The following RRP7A variants were observed in gnomAD, a reference collection of about 807,000 sequenced individuals.
The protein encoded by RRP7A is ribosomal RNA-processing protein 7 homolog A.
A neutral mutation model predicts 38.4 loss-of-function variants in RRP7A; 27 were observed. The ratio of observed to expected loss-of-function variants is 0.70; its 90% CI spans 0.52 to 0.97. The LOEUF (loss-of-function observed/expected upper bound fraction) is 0.97, where lower values mean the gene tolerates loss of function less well. Ranked by LOEUF, RRP7A falls within the 50% of genes least tolerant of loss-of-function variation. The pLI is 0.00. For missense variants in RRP7A, 327 were observed against 375.4 expected (o/e 0.87, Z 1.07); for synonymous variants, 124 against 150.3 (o/e 0.83, Z 1.28).
chr22:42,516,091 C>G lies in RRP7A; in HGVS notation c.262G>C (p.Val88Leu), dbSNP rs11553441. The G allele has an allele frequency of 6.2e-7, 1 of 1,613,282 alleles. No individual in the cohort carries two copies. The highest frequency in any genetic ancestry group is 2.2e-5 in the East Asian group (1 of 44,858). ...AGGTCCGGCTTCTCCTGCAACTCTA[C>G]AGACTGGACGAGGCCACAGGTGGAC... ...LLSTCGLVQS[V>L]ELQEKPDLAE... is the part of the protein sequence containing the mutation. The change falls in exon 3 of 7, where the codon GTA (valine) becomes CTA (leucine). Residue 88 changes from valine to leucine, a missense_variant. Physicochemically the swap from Val to Leu is conservative, Grantham distance 32. Transcript: ENST00000323013.
chr22:42,516,792 C>T (rs8140087), intron 2 of RRP7A, among the ~76,000 whole-genome samples: 37,898 of 151,206 alleles, frequency 0.25, 4,623 homozygotes, highest in African/African-American at 0.36. Context: ...TCCACCTGGG[C>T]GCTGACTACA....
chr22:42,515,975 C>A (rs548347780), intron 3 of RRP7A, 36 bp downstream of exon 3: 3 of 1,561,000 alleles, frequency 1.9e-6, no homozygotes, highest in Admixed American at 3.7e-5. Flanking sequence ...GCCCCACCCC[C>A]CTCACTCTAG....
chr22:42,516,968 T>C (rs1248084784), intron 2 of RRP7A, among the ~76,000 whole-genome samples: 1 of 152,196 alleles, frequency 6.6e-6, no homozygotes, highest in Non-Finnish European at 1.5e-5. Context: ...AGGGTTTCTT[T>C]TTTGAAAACA....
chr22:42,517,135 G>A (rs1331444208), intron 2 of RRP7A, among the ~76,000 whole-genome samples: 5 of 151,874 alleles, frequency 3.3e-5, no homozygotes, highest in African/African-American at 7.3e-5. Context: ...AAAATGAGCC[G>A]GGCATGGTGG....
chr22:42,519,762 C>A lies in RRP7A; in HGVS notation c.25G>T (p.Ala9Ser). 1 of 1,451,264 alleles carries A rather than the reference C, an allele frequency of 6.9e-7. No individual in the cohort carries two copies. The highest frequency in any genetic ancestry group is 9.1e-7 in the Non-Finnish European group (1 of 1,103,488). 89.9% of individuals were successfully genotyped at this position (1,451,264 alleles called of 1,614,324 possible). MVARRRKCAARDPEDRIPS... is the reference protein window; with the variant it reads MVARRRKCSARDPEDRIPS... ...ATACGGTCCTCCGGGTCCCGCGCGG[C>A]GCACTTCCTCCTGCGCGCCACCATC... is the stretch of plus-strand genomic sequence containing the variant. The change falls in exon 1 of 7, where the codon GCC becomes TCC. Residue 9 changes from alanine (A) to serine (S), a missense_variant. Physicochemically the swap from Ala to Ser is moderately conservative, Grantham distance 99. Coordinates refer to ENST00000323013, the MANE Select transcript of RRP7A (RefSeq NM_015703.5).
chr22:42,514,179 C>A lies in RRP7A; in HGVS notation c.684G>T (p.Arg228Ser), dbSNP rs530809147. ...CTTTTCGGCTGCGCTTCCGTCTCTCCCTCTCCAGCACCCGCAAGCTGGCTG... is the reference window on the plus strand; with the variant it reads ...CTTTTCGGCTGCGCTTCCGTCTCTCACTCTCCAGCACCCGCAAGCTGGCTG... ...TEAASLRVLERERRKRSRKEL... is the reference protein window; with the variant it reads ...TEAASLRVLESERRKRSRKEL... The change falls in exon 6 of 7, where the codon AGG becomes AGT. Residue 228 changes from arginine to serine, a missense_variant. This residue lies in a region of RRP7A where 84 missense variants were observed against 82.8 expected (regional missense o/e 1.01). Coordinates refer to ENST00000323013, the MANE Select transcript of RRP7A (RefSeq NM_015703.5). 6.2e-7 allele frequency: 1 copy of A among 1,613,024 alleles called. No homozygotes were observed. Among genetic ancestry groups the A allele is most frequent in the South Asian group, 1.1e-5 (1 of 91,012 alleles).
rs1480494979 is a variant in RRP7A, at chr22:42,509,222, C to T, written c.*3688G>A. On this transcript the variant is annotated 3_prime_UTR_variant, in exon 7 of 7. Transcript: ENST00000323013. The stretch of plus-strand genomic sequence containing the variant: ...CAAGTTCTCTGCGTGTCGACCACAT[C>T]GCTAAGACTCAAGATCTTTTTTGGG... The T allele has an allele frequency of 1.0e-5, 16 of 1,542,796 alleles. No homozygotes were observed. The highest frequency in any genetic ancestry group is 4.8e-5 in the East Asian group (2 of 41,480).
intron 2 of RRP7A, 77 bp from the exon 3 acceptor site, chr22:42,516,213 T>C: frequency 6.3e-7 from 1 of 1,583,288 alleles, no homozygotes. Context: ...TGGGTGGCGC[T>C]GCCAGGGGTC....
At chr22:42,516,753 G>C (rs1318882948) in intron 2 of RRP7A, among the ~76,000 whole-genome samples, 12 of 152,164 alleles carry the variant, frequency 7.9e-5, no homozygotes, top group Non-Finnish European at 5.9e-5. Context: ...GGTGGAGGCA[G>C]CGGGGGTTCT....
In RRP7A at chr22:42,509,151, A is replaced by G. The variant is rs1370633742; in HGVS notation, c.*3759T>C. 1.9e-6 allele frequency: 3 copies of G among 1,612,936 alleles called. No individual in the cohort carries two copies. The highest frequency in any genetic ancestry group is 2.2e-5 in the East Asian group (1 of 44,872). ...TCCCCTTCAGTCACCCCCCAAGGAG[A>G]CATGGGCGCCAGGAATCTCTGGGAG... On this transcript the variant is annotated 3_prime_UTR_variant, in exon 7 of 7. Coordinates refer to ENST00000323013, the MANE Select transcript of RRP7A (RefSeq NM_015703.5).
rs1363941727 is a variant in RRP7A at position 42,512,659 on chromosome 22, G to C, written c.*251C>G. 3 of 593,724 alleles carry C rather than the reference G, an allele frequency of 5.1e-6. No individual in the cohort carries two copies. In the African/African-American group the frequency reaches 5.6e-5, roughly 11 times the overall value. 36.8% of individuals were successfully genotyped at this position (593,724 alleles called of 1,614,324 possible). A position where few individuals can be genotyped will look rare whatever the true frequency, so the allele number is the denominator to read the frequency against. On this transcript the variant is annotated 3_prime_UTR_variant, in exon 7 of 7. Transcript: ENST00000323013. The stretch of plus-strand genomic sequence containing the variant: ...CCAGGGTCCTGGAGAGGAGGGTGTG[G>C]AGGCAAGAAGCAGGAAGGACAAGTC...
At position 42,512,985 on chromosome 22, in the gene RRP7A, C is replaced by T. The variant is rs1932516812; in HGVS notation, c.768G>A (p.Gln256=). The change falls in exon 7 of 7, where the codon CAG becomes CAA. Residue 256 remains glutamine (Q), a synonymous_variant. Coordinates refer to ENST00000323013, the MANE Select transcript of RRP7A (RefSeq NM_015703.5). The part of the protein sequence containing the change: ...HRESKMEHLA[Q]LRKKFEEDKQ... Reference sequence around the variant, plus strand: ...TGTCCTCCTCGAACTTCTTGCGCAGCTGCGCTAGATCTGGGGGTGAGAGGA... The same window carrying T: ...TGTCCTCCTCGAACTTCTTGCGCAGTTGCGCTAGATCTGGGGGTGAGAGGA... The T allele has an allele frequency of 1.2e-6, 2 of 1,612,664 alleles. No individual in the cohort carries two copies. Among genetic ancestry groups the T allele is most frequent in the Non-Finnish European group, 8.5e-7 (1 of 1,179,478 alleles).
chr22:42,513,006 G>A lies in RRP7A; in HGVS notation c.758-11C>T, dbSNP rs1201699954. 6.2e-6 allele frequency: 10 copies of A among 1,609,568 alleles called. No individual in the cohort carries two copies. Among genetic ancestry groups the A allele is most frequent in the Non-Finnish European group, 8.5e-6 (10 of 1,177,520 alleles). ...GCAGCTGCGCTAGATCTGGGGGTGA[G>A]AGGAGGCGCGGGGCAGGGTCAGACA... is the stretch of plus-strand genomic sequence containing the variant. On this transcript the variant is annotated splice_polypyrimidine_tract_variant and intron_variant, in intron 6 of 6. Transcript: ENST00000323013.
chr22:42,509,158 C>T lies in RRP7A; in HGVS notation c.*3752G>A, dbSNP rs374243698. On this transcript the variant is annotated 3_prime_UTR_variant, in exon 7 of 7. Coordinates refer to ENST00000323013, the MANE Select transcript of RRP7A (RefSeq NM_015703.5). ...CAGTCACCCCCCAAGGAGACATGGG[C>T]GCCAGGAATCTCTGGGAGGGGGCCC... is the stretch of plus-strand genomic sequence containing the variant. 1.2e-5 allele frequency: 19 copies of T among 1,611,894 alleles called. No individual in the cohort carries two copies. Among genetic ancestry groups the T allele is most frequent in the Non-Finnish European group, 1.5e-5 (18 of 1,178,580 alleles).
Position 42,516,023 on chromosome 22 carries a change from G to T in RRP7A, c.330C>A (p.Pro110=), listed in dbSNP as rs3201001. Residue 110 remains proline (P), a synonymous_variant, in exon 3 of 7, where the codon CCC becomes CCA. Coordinates refer to ENST00000323013, the MANE Select transcript of RRP7A (RefSeq NM_015703.5). ...CTTGGCGGCTCACCGGAACTGGCTTGGGATGAAAAAACTTCGACCTTGACT... is the reference window on the plus strand; with the variant it reads ...CTTGGCGGCTCACCGGAACTGGCTTTGGATGAAAAAACTTCGACCTTGACT... ...PKESRSKFFH[P]KPVPGFQVAY... 351,202 of 1,597,474 alleles carry T rather than the reference G, an allele frequency of 0.22. 34,078 individuals carry two copies. Among genetic ancestry groups the T allele is most frequent in the African/African-American group, 0.36 (26,891 of 74,328 alleles).
rs13504 is a variant in RRP7A at position 42,512,891 on chromosome 22, T to C, written c.*19A>G. On this transcript the variant is annotated 3_prime_UTR_variant, in exon 7 of 7. Transcript: ENST00000323013. ...CTCCTGGCCCTGCACCTCCAGCCAT[T>C]CACTGCGGCTCTCACAGCTCAGTAC... is the stretch of plus-strand genomic sequence containing the variant. 0.14 allele frequency: 214,025 copies of C among 1,511,980 alleles called. 16,125 individuals carry two copies. Among genetic ancestry groups the C allele is most frequent in the Admixed American group, 0.23 (13,568 of 58,580 alleles). The allele number at this position is 1,511,980 out of a possible 1,614,324, so 93.7% of individuals were successfully genotyped here.
chr22:42,516,111 G>A lies in RRP7A; in HGVS notation c.242C>T (p.Thr81Ile), dbSNP rs201064075. The change falls in exon 3 of 7, where the codon ACC becomes ATC. Residue 81 changes from threonine to isoleucine, a missense_variant. Thr to Ile is a moderately conservative substitution (Grantham distance 89). Transcript: ENST00000323013. Reference protein sequence around the residue: ...TEESLSRLLSTCGLVQSVELQ... With the variant: ...TEESLSRLLSICGLVQSVELQ... ...CTCTACAGACTGGACGAGGCCACAG[G>A]TGGACAGGAGGCGGGACAGGCTCTC... 8.6e-5 allele frequency: 139 copies of A among 1,613,502 alleles called. 4 individuals carry two copies. In the South Asian group the frequency reaches 1.4e-3, roughly 16 times the overall value.
rs1932340854 is a variant in RRP7A at position 42,508,513 on chromosome 22, CAAGACAGGG to C, written c.*4388_*4396del. On this transcript the variant is annotated 3_prime_UTR_variant, in exon 7 of 7. Coordinates refer to ENST00000323013, the MANE Select transcript of RRP7A (RefSeq NM_015703.5). ...CCGCCATCCAGACGTAAAACAGTCACAAGACAGGGCAGGCAGGGCCGCGGAGGAGGCTGG... is the reference window on the plus strand; with the variant it reads ...CCGCCATCCAGACGTAAAACAGTCACCAGGCAGGGCCGCGGAGGAGGCTGG... Among the ~76,000 whole-genome samples, 1 of 152,170 alleles carries C rather than the reference CAAGACAGGG, an allele frequency of 6.6e-6. No homozygotes were observed. Among genetic ancestry groups the C allele is most frequent in the Non-Finnish European group, 1.5e-5 (1 of 68,032 alleles).
intron 6 of RRP7A, 54 bp downstream of exon 6, chr22:42,514,052 T>G: frequency 2.0e-6 from 3 of 1,535,858 alleles, no homozygotes; most frequent in Non-Finnish European, 2.7e-6. Flanking sequence ...ACAGGCCTCA[T>G]CCGTGGCTGG....
Sources: allele counts gnomAD v4.1 joint callset (sites outside exome capture counted in the v4.1 genomes callset), GRCh38; gene constraint gnomAD v4.1.1; regional missense constraint gnomAD v4.1.1; transcripts MANE v1.5; gene names NCBI Gene and HGNC (gene_info 2026-07-23, HGNC 2026-07-21).